The following RAPGEF6 variants were observed in gnomAD, a reference collection of about 807,000 sequenced individuals.
The protein encoded by RAPGEF6 is Rap guanine nucleotide exchange factor 6, also known as PDZ domain containing guanine nucleotide exchange factor (GEF) 2.
RAPGEF6 carries 56 observed loss-of-function variants against 171.4 expected under a neutral mutation model. The ratio of observed to expected loss-of-function variants is 0.33; its 90% CI spans 0.26 to 0.41. The LOEUF (loss-of-function observed/expected upper bound fraction) is 0.41, where lower values mean the gene tolerates loss of function less well. Ranked by LOEUF, RAPGEF6 falls within the 10% of genes least tolerant of loss-of-function variation. The pLI, the probability that RAPGEF6 is intolerant of heterozygous loss-of-function variation, is 1.00. For missense variants in RAPGEF6, 1,674 were observed against 1,921.4 expected (o/e 0.87, Z 2.41); for synonymous variants, 692 against 650.1 (o/e 1.06, Z -0.98).
rs1757315444 is a variant in RAPGEF6, at chr5:131,505,486, C to T, written c.979G>A (p.Glu327Lys). 1 of 1,613,452 alleles carries T rather than the reference C, an allele frequency of 6.2e-7. No homozygotes were observed. Among genetic ancestry groups the T allele is most frequent in the African/African-American group, 1.3e-5 (1 of 74,892 alleles). ...SWYVILNGTV[E>K]ISHPDGKVEN... is the part of the protein sequence containing the mutation. ...ACTTTTCCATCTGGATGACTGATTTCCACAGTGCCGTTTAAAATAACATAC... is the reference window on the plus strand; with the variant it reads ...ACTTTTCCATCTGGATGACTGATTTTCACAGTGCCGTTTAAAATAACATAC... The change falls in exon 10 of 28, where the codon GAA (glutamate) becomes AAA (lysine). Residue 327 changes from glutamate (E) to lysine (K), a missense_variant. Transcript: ENST00000509018.
chr5:131,497,037 T>G (rs1414943169), intron 12 of RAPGEF6, among the ~76,000 whole-genome samples: 1 of 152,008 alleles, frequency 6.6e-6, no homozygotes, highest in Non-Finnish European at 1.5e-5. Context: ...GTTTGTTACT[T>G]TTTCTTTTTT....
chr5:131,567,490 A>G (rs1762025061), intron 4 of RAPGEF6, among the ~76,000 whole-genome samples: 1 of 152,122 alleles, frequency 6.6e-6, no homozygotes, highest in South Asian at 2.1e-4. Context: ...ATTTTCTTCT[A>G]ATTTCTCTTG....
intron 5 of RAPGEF6, among the ~76,000 whole-genome samples, chr5:131,550,883 C>T (rs1010362681): frequency 6.6e-6 from 1 of 152,164 alleles, no homozygotes; most frequent in African/African-American, 2.4e-5. Flanking sequence ...TTCAACCAAT[C>T]CCTCCTCTAC....
intron 4 of RAPGEF6, among the ~76,000 whole-genome samples, chr5:131,573,801 C>G (rs1487511509): frequency 6.6e-6 from 1 of 152,172 alleles, no homozygotes; most frequent in East Asian, 1.9e-4. Context: ...CACTTAGCAG[C>G]TACCCTTAGA....
At chr5:131,513,213 A>G (rs1327083831) in intron 7 of RAPGEF6, among the ~76,000 whole-genome samples, 1 of 152,232 alleles carries the variant, frequency 6.6e-6, no homozygotes, top group African/African-American at 2.4e-5. Flanking sequence ...TGCTAAAAAG[A>G]CTTTCCAAAA....
At chr5:131,619,985 T>C (rs1765507540) in intron 1 of RAPGEF6, among the ~76,000 whole-genome samples, 1 of 152,326 alleles carries the variant, frequency 6.6e-6, no homozygotes, top group South Asian at 2.1e-4. Flanking sequence ...AAGGATTAAA[T>C]GTATATAAAG....
intron 1 of RAPGEF6, among the ~76,000 whole-genome samples, chr5:131,613,066 T>C (rs1432536631): frequency 6.6e-6 from 1 of 152,210 alleles, no homozygotes; most frequent in Non-Finnish European, 1.5e-5. Flanking sequence ...CAAATGAACA[T>C]GTAGTCCTTC....
At chr5:131,539,983 G>C (rs1043171647) in intron 6 of RAPGEF6, among the ~76,000 whole-genome samples, 4 of 152,128 alleles carry the variant, frequency 2.6e-5, no homozygotes, top group African/African-American at 9.7e-5. Context: ...ACAGCAAAGG[G>C]AATCCCTTCA....
intron 6 of RAPGEF6, among the ~76,000 whole-genome samples, chr5:131,536,946 C>A (rs981793008): frequency 6.6e-6 from 1 of 152,144 alleles, no homozygotes; most frequent in South Asian, 2.1e-4. Flanking sequence ...ATGACCATTA[C>A]GTCCCTTCTC....
chr5:131,530,531 T>G (rs1306819162), intron 6 of RAPGEF6, among the ~76,000 whole-genome samples: 1 of 152,098 alleles, frequency 6.6e-6, no homozygotes, highest in African/African-American at 2.4e-5. Flanking sequence ...TGAAAAGAAG[T>G]ATAACAAAAT....
At chr5:131,484,222 CTTT>C (rs751000560) in intron 15 of RAPGEF6, among the ~76,000 whole-genome samples, 15 of 74,104 alleles carry the variant, frequency 2.0e-4, no homozygotes, top group African/African-American at 8.6e-4. Context: ...ACTGCAGAGG[CTTT>C]TTTTTTTTTT....
chr5:131,531,499 A>G (rs747891735), intron 6 of RAPGEF6, among the ~76,000 whole-genome samples: 1 of 152,214 alleles, frequency 6.6e-6, no homozygotes, highest in Non-Finnish European at 1.5e-5. Flanking sequence ...TTTAAAAATG[A>G]CAAGTATGAT....
At chr5:131,539,336 T>C (rs1245088429) in intron 6 of RAPGEF6, among the ~76,000 whole-genome samples, 1 of 152,228 alleles carries the variant, frequency 6.6e-6, no homozygotes, top group East Asian at 1.9e-4. Context: ...AGCTTCTTCA[T>C]CAAACAGTGA....
rs1756358581 is a variant in RAPGEF6 at position 131,492,649 on chromosome 5, C to T, written c.1664G>A (p.Gly555Asp). The T allele has an allele frequency of 6.2e-7, 1 of 1,614,184 alleles. No individual in the cohort carries two copies. Among genetic ancestry groups the T allele is most frequent in the Non-Finnish European group, 8.5e-7 (1 of 1,180,036 alleles). The change falls in exon 14 of 28, where the codon GGT becomes GAT. Residue 555 changes from glycine (G) to aspartate (D), a missense_variant. This residue lies in a region of RAPGEF6 where 1,116 missense variants were observed against 1,321.5 expected (regional missense o/e 0.84). Coordinates refer to ENST00000509018, the MANE Select transcript of RAPGEF6 (RefSeq NM_016340.6). Reference sequence around the variant, plus strand: ...AGGTTCTACTCCTTCAACAAAAATACCAAATCCCTTCTCACTCCCTCCATT... The same window carrying T: ...AGGTTCTACTCCTTCAACAAAAATATCAAATCCCTTCTCACTCCCTCCATT... Reference protein sequence around the residue: ...SLNGGSEKGFGIFVEGVEPGS... With the variant: ...SLNGGSEKGFDIFVEGVEPGS...
chr5:131,491,300 G>A (rs1756266730), intron 14 of RAPGEF6, among the ~76,000 whole-genome samples: 2 of 152,140 alleles, frequency 1.3e-5, no homozygotes, highest in African/African-American at 4.8e-5. Context: ...AATATCTGCA[G>A]ACATTGCCAC....
At chr5:131,533,010 C>T (rs1413264073) in intron 6 of RAPGEF6, 1 of 152,420 alleles carries the variant, frequency 6.6e-6, no homozygotes, top group Non-Finnish European at 1.5e-5. Flanking sequence ...ATTCTATGCT[C>T]TGCAGTAAGA....
At chr5:131,506,741 C>T (rs1413121159) in intron 9 of RAPGEF6, among the ~76,000 whole-genome samples, 1 of 152,024 alleles carries the variant, frequency 6.6e-6, no homozygotes, top group Non-Finnish European at 1.5e-5. Context: ...ACAAAGTAGG[C>T]ATACAACAAA....
At chr5:131,538,252 C>T (rs1360154812) in intron 6 of RAPGEF6, among the ~76,000 whole-genome samples, 2 of 152,120 alleles carry the variant, frequency 1.3e-5, no homozygotes, top group Non-Finnish European at 2.9e-5. Flanking sequence ...AACTGGGGTA[C>T]ATTCTGAGGA....
intron 7 of RAPGEF6, among the ~76,000 whole-genome samples, chr5:131,513,135 C>T (rs1371300833): frequency 6.6e-6 from 1 of 152,104 alleles, no homozygotes; most frequent in Non-Finnish European, 1.5e-5. Context: ...TACATAGAAC[C>T]ACAAACTTGT....
Sources: gnomAD v4.1 joint callset for allele counts (sites outside exome capture counted in the v4.1 genomes callset) on GRCh38, gnomAD v4.1.1 for gene constraint, gnomAD v4.1.1 regional missense constraint, MANE v1.5 for transcripts, NCBI Gene and HGNC (gene_info 2026-07-23, HGNC 2026-07-21) for gene names.